SDK1: variants seen among roughly 807,000 people sequenced by gnomAD.
SDK1 encodes sidekick cell adhesion molecule 1, also known as protein sidekick-1.
SDK1 carries 157 observed loss-of-function variants against 245.5 expected under a neutral mutation model. The ratio of observed to expected loss-of-function variants is 0.64; its 90% CI spans 0.56 to 0.73. The LOEUF (loss-of-function observed/expected upper bound fraction) is 0.73, where lower values mean the gene tolerates loss of function less well. SDK1 is among the 30% of genes least tolerant of loss of function. The probability of loss-of-function intolerance (pLI) is 0.00; values close to 1 mark genes in which losing one functional copy is unlikely to be tolerated. For synonymous variants in SDK1, 1,647 were observed against 1,278.5 expected (o/e 1.29, Z -6.15); for missense variants, 3,583 against 3,002.3 (o/e 1.19, Z -4.52).
intron 22 of SDK1, among the ~76,000 whole-genome samples, chr7:4,085,027 G>A (rs1781341695): frequency 6.6e-6 from 1 of 152,092 alleles, no homozygotes; most frequent in Admixed American, 6.6e-5. Context: ...GCCTCCCAAA[G>A]TGCTGGGATT....
intron 1 of SDK1, among the ~76,000 whole-genome samples, chr7:3,563,760 C>T (rs1394545893): frequency 2.0e-5 from 3 of 151,950 alleles, no homozygotes; most frequent in Admixed American, 6.5e-5. Flanking sequence ...TTTTTAAGCT[C>T]GTTTGGAGTG....
chr7:4,057,573 C>T (rs1779280740), intron 19 of SDK1, among the ~76,000 whole-genome samples: 1 of 151,928 alleles, frequency 6.6e-6, no homozygotes, highest in Admixed American at 6.5e-5. Flanking sequence ...CCTGCTTGGC[C>T]CCCTGCAGCC....
At chr7:3,387,311 C>T (rs959953568) in intron 1 of SDK1, among the ~76,000 whole-genome samples, 1 of 152,110 alleles carries the variant, frequency 6.6e-6, no homozygotes, top group African/African-American at 2.4e-5. Flanking sequence ...CCCACCAACC[C>T]CTGAATTCCT....
In SDK1 at chr7:4,101,082, C is replaced by T. The variant is rs114141530; in HGVS notation, c.3325-9581C>T. 4.8e-3 allele frequency among the ~76,000 whole-genome samples: 724 copies of T among 152,070 alleles called. 4 individuals are homozygous for T. The highest frequency in any genetic ancestry group is 0.016 in the African/African-American group (650 of 41,450). On this transcript the variant is annotated intron_variant, in intron 22 of 44. Coordinates refer to ENST00000404826, the MANE Select transcript of SDK1 (RefSeq NM_152744.4). ...CAGAGAGGCCGCCTTGCCTGGGCCCCGAAAACCAACAGCTGGGCAGCCCTG... is the reference window on the plus strand; with the variant it reads ...CAGAGAGGCCGCCTTGCCTGGGCCCTGAAAACCAACAGCTGGGCAGCCCTG...
chr7:4,252,356 C>T (rs1787360967), intron 44 of SDK1, among the ~76,000 whole-genome samples: 1 of 152,120 alleles, frequency 6.6e-6, no homozygotes, highest in Non-Finnish European at 1.5e-5. Flanking sequence ...TGGTTTCCAG[C>T]TTCATCCATG....
At chr7:4,242,799 G>T (rs983571516) in intron 43 of SDK1, among the ~76,000 whole-genome samples, 1 of 152,174 alleles carries the variant, frequency 6.6e-6, no homozygotes, top group Non-Finnish European at 1.5e-5. Context: ...TTACAAAGCT[G>T]CAGGGGCCAG....
Position 4,130,445 on chromosome 7 carries a change from C to G in SDK1, c.4129+348C>G, listed in dbSNP as rs374817064. ...GGCTCCACACACTTCGTGTAGTGCC[C>G]CCTTATCTGGCAACACATCCCAGGA... is the stretch of plus-strand genomic sequence containing the variant. On this transcript the variant is annotated intron_variant, in intron 27 of 44. Transcript: ENST00000404826. 19 of 262,742 alleles carry G rather than the reference C, an allele frequency of 7.2e-5. No individual in the cohort carries two copies. In the East Asian group the frequency reaches 1.4e-3, roughly 19 times the overall value. 16.3% of individuals were successfully genotyped at this position (262,742 alleles called of 1,614,324 possible). A position where few individuals can be genotyped will look rare whatever the true frequency, so the allele number is the denominator to read the frequency against.
chr7:3,955,063 G>C (rs111286600), intron 7 of SDK1, among the ~76,000 whole-genome samples: 2 of 152,060 alleles, frequency 1.3e-5, no homozygotes, highest in African/African-American at 2.4e-5. Flanking sequence ...CCTTCTCCAC[G>C]GTCTCCTCAT....
chr7:3,825,573 A>G (rs1019355922), intron 5 of SDK1, among the ~76,000 whole-genome samples: 1 of 152,186 alleles, frequency 6.6e-6, no homozygotes, highest in African/African-American at 2.4e-5. Flanking sequence ...ATTTGCAGAT[A>G]GGATATCATT....
At chr7:3,894,793 A>C (rs1233782795) in intron 5 of SDK1, among the ~76,000 whole-genome samples, 1 of 150,710 alleles carries the variant, frequency 6.6e-6, no homozygotes, top group Non-Finnish European at 1.5e-5. Flanking sequence ...CTGCCTCCCA[A>C]GTTTAAGCGA....
intron 1 of SDK1, among the ~76,000 whole-genome samples, chr7:3,578,086 G>C (rs892725873): frequency 2.0e-5 from 3 of 151,506 alleles, no homozygotes; most frequent in Non-Finnish European, 4.4e-5. Context: ...TCTCTAATTT[G>C]CATTATTTTT....
chr7:3,834,346 C>T (rs1779983359), intron 5 of SDK1, among the ~76,000 whole-genome samples: 2 of 152,284 alleles, frequency 1.3e-5, no homozygotes, highest in Non-Finnish European at 1.5e-5. Flanking sequence ...TCACTTTTGC[C>T]AGGAGAGGCT....
At chr7:3,638,632 TGTG>T (rs1782545095) in intron 2 of SDK1, among the ~76,000 whole-genome samples, 1 of 81,964 alleles carries the variant, frequency 1.2e-5, no homozygotes, top group Admixed American at 1.7e-4. Context: ...CGGGGCCTGT[TGTG>T]GGGTGGGGGG....
At chr7:4,131,285 C>T (rs1784797971) in intron 27 of SDK1, among the ~76,000 whole-genome samples, 1 of 152,206 alleles carries the variant, frequency 6.6e-6, no homozygotes, top group Non-Finnish European at 1.5e-5. Flanking sequence ...GTAGACATGC[C>T]TTCCTCCTCT....
At chr7:4,085,806 C>G (rs1203086765) in intron 22 of SDK1, among the ~76,000 whole-genome samples, 1 of 152,160 alleles carries the variant, frequency 6.6e-6, no homozygotes, top group South Asian at 2.1e-4. Context: ...CCGCCCGCCT[C>G]AGCCTCCCAG....
chr7:3,902,149 C>T (rs1179020467), intron 5 of SDK1, among the ~76,000 whole-genome samples: 1 of 152,104 alleles, frequency 6.6e-6, no homozygotes, highest in Non-Finnish European at 1.5e-5. Flanking sequence ...CTTATTACTT[C>T]CTTGGTGTTC....
In SDK1 at chr7:3,737,906, C is replaced by T. The variant is rs114547195; in HGVS notation, c.714-83544C>T. ...CATGACCAAACCAAATCCCTCCACTCTTCTTACCCTTCTAATGAAACTTTT... is the reference window on the plus strand; with the variant it reads ...CATGACCAAACCAAATCCCTCCACTTTTCTTACCCTTCTAATGAAACTTTT... On this transcript the variant is annotated intron_variant, in intron 4 of 44. Transcript: ENST00000404826. 4.8e-3 allele frequency among the ~76,000 whole-genome samples: 737 copies of T among 152,342 alleles called. 10 individuals carry two copies. The highest frequency in any genetic ancestry group is 0.017 in the African/African-American group (689 of 41,588).
intron 44 of SDK1, among the ~76,000 whole-genome samples, chr7:4,249,496 A>G (rs1303354927): frequency 2.6e-5 from 4 of 152,252 alleles, no homozygotes; most frequent in Non-Finnish European, 4.4e-5. Flanking sequence ...AGGCTGATGA[A>G]AGGTGCAGAC....
chr7:4,214,096 A>G (rs12113524), intron 38 of SDK1, among the ~76,000 whole-genome samples: 1,781 of 152,302 alleles, frequency 0.012, 38 homozygotes, highest in African/African-American at 0.041. Context: ...TCAGAGCCAC[A>G]AAGACATTTG....
Sources: allele counts gnomAD v4.1 joint callset (sites outside exome capture counted in the v4.1 genomes callset), GRCh38; gene constraint gnomAD v4.1.1; transcripts MANE v1.5; gene names NCBI Gene and HGNC (gene_info 2026-07-23, HGNC 2026-07-21).